The following DIPK1A variants were observed in gnomAD, a reference collection of about 807,000 sequenced individuals.
The protein encoded by DIPK1A is family with sequence similarity 69 member A.
In DIPK1A, 27 loss-of-function variants were observed where a neutral mutation model predicts 40.8. That is an observed-to-expected ratio of 0.66 (90% CI 0.49 to 0.91). The LOEUF (loss-of-function observed/expected upper bound fraction) is 0.91, where lower values mean the gene tolerates loss of function less well. DIPK1A is among the 40% of genes least tolerant of loss of function. DIPK1A has a pLI of 0.00. For synonymous variants in DIPK1A, 166 were observed against 171.3 expected (o/e 0.97, Z 0.24); for missense variants, 412 against 505.7 (o/e 0.81, Z 1.78).
intron 1 of DIPK1A, among the ~76,000 whole-genome samples, chr1:92,922,814 A>T (rs540890306): frequency 6.6e-6 from 1 of 152,008 alleles, no homozygotes; most frequent in Admixed American, 6.6e-5. Context: ...CCAGTACAAC[A>T]CTCTCTAGTC....
intron 1 of DIPK1A, among the ~76,000 whole-genome samples, chr1:92,894,945 C>T (rs1241430560): frequency 6.6e-6 from 1 of 152,016 alleles, no homozygotes; most frequent in African/African-American, 2.4e-5. Flanking sequence ...CCTCCCAAGA[C>T]TAAACCAGAA....
intron 4 of DIPK1A, among the ~76,000 whole-genome samples, chr1:92,844,911 A>G (rs1461089552): frequency 7.0e-6 from 1 of 143,126 alleles, no homozygotes; most frequent in Non-Finnish European, 1.5e-5. Flanking sequence ...ACTTTGTTTT[A>G]TTTCTATTTA....
chr1:92,862,023 A>ACCTGTCC (rs1647304646), intron 2 of DIPK1A, among the ~76,000 whole-genome samples: 1 of 152,026 alleles, frequency 6.6e-6, no homozygotes, highest in Admixed American at 6.6e-5. Flanking sequence ...CAAGTGAACC[A>ACCTGTCC]CCTGTCTGGC....
chr1:92,846,674 G>A (rs1466951902), intron 4 of DIPK1A: 1 of 370,028 alleles, frequency 2.7e-6, no homozygotes, highest in African/African-American at 2.4e-5. Context: ...TGTCGTCCAG[G>A]CTGGAGTGCA....
intron 4 of DIPK1A, chr1:92,846,554 C>A: frequency 2.3e-6 from 1 of 428,640 alleles, no homozygotes; most frequent in East Asian, 7.4e-5. Flanking sequence ...TTAATGAACT[C>A]CCTCCTCATA....
intron 1 of DIPK1A, among the ~76,000 whole-genome samples, chr1:92,955,732 A>G (rs1004468201): frequency 2.9e-4 from 43 of 148,044 alleles, no homozygotes; most frequent in Non-Finnish European, 6.4e-4. Flanking sequence ...AGAAAGAAAA[A>G]AGAAAAAAAA....
intron 1 of DIPK1A, among the ~76,000 whole-genome samples, chr1:92,879,040 C>G (rs761718333): frequency 6.6e-6 from 1 of 151,668 alleles, no homozygotes; most frequent in African/African-American, 2.4e-5. Context: ...ATTAGCCAAG[C>G]ATAGTGGCTC....
At chr1:92,937,031 T>G (rs1650973592) in intron 1 of DIPK1A, among the ~76,000 whole-genome samples, 1 of 152,260 alleles carries the variant, frequency 6.6e-6, no homozygotes, top group Non-Finnish European at 1.5e-5. Flanking sequence ...AATAGGATCA[T>G]GAGTTTTACT....
chr1:92,837,317 C>A (rs1371506275), downstream of DIPK1A: 1 of 796,232 alleles, frequency 1.3e-6, no homozygotes, highest in Non-Finnish European at 2.3e-6. Flanking sequence ...ACTAACTGAG[C>A]AGTCAGTAGT....
intron 1 of DIPK1A, among the ~76,000 whole-genome samples, chr1:92,911,861 G>C (rs900850894): frequency 3.3e-5 from 5 of 151,770 alleles, no homozygotes; most frequent in Admixed American, 3.3e-4. Flanking sequence ...AAAATTAGCT[G>C]GGTGTGGTGG....
At chr1:92,900,464 T>C (rs1178463886) in intron 1 of DIPK1A, among the ~76,000 whole-genome samples, 3 of 152,214 alleles carry the variant, frequency 2.0e-5, no homozygotes, top group Non-Finnish European at 4.4e-5. Context: ...TTCTTGTTTA[T>C]GATTCTATCT....
intron 1 of DIPK1A, among the ~76,000 whole-genome samples, chr1:92,922,657 T>C (rs1336123772): frequency 6.6e-6 from 1 of 152,238 alleles, no homozygotes; most frequent in Non-Finnish European, 1.5e-5. Flanking sequence ...ACATAAATCC[T>C]ATTCTTAAGT....
chr1:92,951,242 A>C (rs1651622663), intron 1 of DIPK1A, among the ~76,000 whole-genome samples: 1 of 152,318 alleles, frequency 6.6e-6, no homozygotes, highest in East Asian at 1.9e-4. Flanking sequence ...AAAGGACTCC[A>C]CCCATAGTTG....
chr1:92,872,607 T>C (rs184176549), intron 2 of DIPK1A, among the ~76,000 whole-genome samples: 1 of 152,346 alleles, frequency 6.6e-6, no homozygotes, highest in African/African-American at 2.4e-5. Context: ...TTTGTACTTT[T>C]TTACATAATG....
chr1:92,938,021 T>TA (rs958061704), intron 1 of DIPK1A, among the ~76,000 whole-genome samples: 3 of 152,180 alleles, frequency 2.0e-5, no homozygotes, highest in African/African-American at 7.2e-5. Flanking sequence ...TTTTCTGATT[T>TA]AAAAAATTAA....
At chr1:92,872,102 CAG>C (rs1276067939) in intron 2 of DIPK1A, among the ~76,000 whole-genome samples, 10 of 86,246 alleles carry the variant, frequency 1.2e-4, no homozygotes, top group African/African-American at 3.8e-4. Flanking sequence ...TTTTTTGAGA[CAG>C]AGTCTCCCTC....
chr1:92,896,808 G>GA (rs1649187418), intron 1 of DIPK1A, among the ~76,000 whole-genome samples: 1 of 151,232 alleles, frequency 6.6e-6, no homozygotes, highest in South Asian at 2.1e-4. Context: ...AAATTTACAA[G>GA]AAAAAAACAA....
chr1:92,917,232 T>C (rs1039266673), intron 1 of DIPK1A, among the ~76,000 whole-genome samples: 1 of 152,236 alleles, frequency 6.6e-6, no homozygotes, highest in Non-Finnish European at 1.5e-5. Context: ...CAAGGCTATA[T>C]ATAGATTTTT....
chr1:92,946,557 A>G (rs1438827764), intron 1 of DIPK1A, among the ~76,000 whole-genome samples: 1 of 152,260 alleles, frequency 6.6e-6, no homozygotes, highest in Non-Finnish European at 1.5e-5. Context: ...AATTACAACT[A>G]TCAAACAATG....
Sources: gnomAD v4.1 joint callset for allele counts (sites outside exome capture counted in the v4.1 genomes callset) on GRCh38, gnomAD v4.1.1 for gene constraint, MANE v1.5 for transcripts, NCBI Gene and HGNC (gene_info 2026-07-23, HGNC 2026-07-21) for gene names.